Variants in NUP62CL observed in about 807,000 individuals in gnomAD.
NUP62CL encodes nucleoporin-62 C-terminal-like protein.
In NUP62CL, 13 loss-of-function variants were observed where a neutral mutation model predicts 15.3. That is an observed-to-expected ratio of 0.85 (90% CI 0.55 to 1.35). The LOEUF (loss-of-function observed/expected upper bound fraction) is 1.35. Ranked by LOEUF, NUP62CL falls within the 40% of genes most tolerant of loss-of-function variation. The pLI is 0.00. For missense variants in NUP62CL, 123 were observed against 130.6 expected (o/e 0.94, Z 0.28); for synonymous variants, 54 against 49.2 (o/e 1.10, Z -0.41).
intron 8 of NUP62CL, among the ~76,000 whole-genome samples, chrX:107,126,216 T>C (rs1925383025): frequency 8.9e-6 from 1 of 112,108 alleles, no homozygotes; most frequent in South Asian, 3.7e-4. Context: ...AAAAAAACAT[T>C]GCTAAGAAAA....
intron 4 of NUP62CL, among the ~76,000 whole-genome samples, chrX:107,161,042 C>T (rs1926353214): frequency 9.0e-6 from 1 of 111,726 alleles, no homozygotes; most frequent in Non-Finnish European, 1.9e-5. Context: ...TGCTCATCAT[C>T]ACTGGCCATC....
intron 6 of NUP62CL, 57 bp from the exon 7 acceptor site, chrX:107,153,363 A>G: frequency 8.9e-7 from 1 of 1,129,283 alleles, no homozygotes; most frequent in Non-Finnish European, 1.2e-6. Context: ...TGACAAAAAG[A>G]AAAGAGTTAA....
chrX:107,153,071 G>T, intron 7 of NUP62CL, 101 bp downstream of exon 7: 1 of 764,005 alleles, frequency 1.3e-6, no homozygotes, highest in Non-Finnish European at 1.8e-6. Flanking sequence ...CTACCGATTT[G>T]TATTCCTTGC....
intron 1 of NUP62CL, among the ~76,000 whole-genome samples, chrX:107,199,110 C>G (rs1317203822): frequency 3.6e-5 from 4 of 111,264 alleles, no homozygotes; most frequent in Admixed American, 1.9e-4. Context: ...GTTCTAGACT[C>G]TCTTATGTAA....
intron 3 of NUP62CL, among the ~76,000 whole-genome samples, chrX:107,170,698 C>T (rs766874141): frequency 2.7e-5 from 3 of 111,888 alleles, no homozygotes; most frequent in South Asian, 3.7e-4. Context: ...AGGCATGAGC[C>T]GCCACACCCG....
chrX:107,194,693 T>G (rs906084373), intron 1 of NUP62CL, among the ~76,000 whole-genome samples: 3 of 111,228 alleles, frequency 2.7e-5, no homozygotes, highest in African/African-American at 9.8e-5. Flanking sequence ...AAGAGCTCTT[T>G]TCATTGTAGA....
chrX:107,158,513 C>T (rs1472458122), intron 4 of NUP62CL, among the ~76,000 whole-genome samples: 2 of 81,684 alleles, frequency 2.4e-5, no homozygotes, highest in African/African-American at 1.6e-4. Context: ...ACTGAACAAC[C>T]TACTCCTGAA....
intron 2 of NUP62CL, among the ~76,000 whole-genome samples, chrX:107,189,894 A>G (rs965280462): frequency 3.2e-5 from 3 of 92,662 alleles, no homozygotes; most frequent in African/African-American, 1.3e-4. Flanking sequence ...AGAAAGAAAG[A>G]AAGAAAGAAA....
At chrX:107,130,054 G>T (rs1457319111) in intron 8 of NUP62CL, among the ~76,000 whole-genome samples, 1 of 111,343 alleles carries the variant, frequency 9.0e-6, no homozygotes, top group Non-Finnish European at 1.9e-5. Flanking sequence ...GAGAAAATAG[G>T]AGAGAAATTA....
rs186232324 is a variant in NUP62CL at position 107,204,339 on chromosome X, A to G, written c.-92+1934T>C. On this transcript the variant is annotated intron_variant, in intron 1 of 8. Transcript: ENST00000372466. The stretch of plus-strand genomic sequence containing the variant: ...AACCTCTCTAATCCTTATGTTCCTC[A>G]ACCTCTAAGCTTCTGTATTTCCGAC... Among the ~76,000 whole-genome samples, 14 of 111,491 alleles carry G rather than the reference A, an allele frequency of 1.3e-4. No individual in the cohort carries two copies. In the East Asian group the frequency reaches 3.9e-3, roughly 31 times the overall value.
chrX:107,169,410 G>A (rs1926594282), intron 3 of NUP62CL, among the ~76,000 whole-genome samples: 1 of 112,616 alleles, frequency 8.9e-6, no homozygotes, highest in African/African-American at 3.2e-5. Context: ...ATAATCTTAA[G>A]TTCCAATTTC....
intron 4 of NUP62CL, among the ~76,000 whole-genome samples, chrX:107,165,314 A>T (rs1363396130): frequency 9.1e-6 from 1 of 109,400 alleles, no homozygotes; most frequent in African/African-American, 3.3e-5. Flanking sequence ...CAAAAAAAAA[A>T]ATAATAATAA....
chrX:107,127,412 A>G (rs5962788), intron 8 of NUP62CL, among the ~76,000 whole-genome samples: 30,703 of 110,914 alleles, frequency 0.28, 3,810 homozygotes, highest in East Asian at 0.47. Flanking sequence ...CTAAATGGCT[A>G]TTGGTTAAGG....
At chrX:107,163,326 A>G (rs927647147) in intron 4 of NUP62CL, among the ~76,000 whole-genome samples, 15 of 111,550 alleles carry the variant, frequency 1.3e-4, no homozygotes, top group African/African-American at 4.9e-4. Flanking sequence ...TGTATCTGTA[A>G]TACCTAGAGC....
intron 8 of NUP62CL, among the ~76,000 whole-genome samples, chrX:107,125,507 G>A (rs745354093): frequency 4.5e-5 from 5 of 111,280 alleles, no homozygotes; most frequent in Non-Finnish European, 9.4e-5. Context: ...TTTTTAAAGT[G>A]TAATACCTCA....
At chrX:107,179,211 T>C (rs1298895568) in intron 2 of NUP62CL, among the ~76,000 whole-genome samples, 1 of 112,152 alleles carries the variant, frequency 8.9e-6, no homozygotes, top group Admixed American at 9.4e-5. Context: ...GCTACTTCAA[T>C]TTTTTCATTT....
intron 1 of NUP62CL, among the ~76,000 whole-genome samples, chrX:107,194,902 C>T (rs143599442): frequency 0.022 from 2,264 of 103,605 alleles, 45 homozygotes; most frequent in East Asian, 0.13. Context: ...CTGTAACCTC[C>T]GCGTCCCGGA....
At chrX:107,167,902 A>C in intron 3 of NUP62CL, 118 bp from the exon 4 acceptor site, 1 of 659,783 alleles carries the variant, frequency 1.5e-6, no homozygotes, top group South Asian at 3.9e-5. Flanking sequence ...GAACTCAAAG[A>C]TGCAGATTTG....
At chrX:107,198,547 T>C (rs1321759838) in intron 1 of NUP62CL, among the ~76,000 whole-genome samples, 1 of 111,268 alleles carries the variant, frequency 9.0e-6, no homozygotes, top group African/African-American at 3.3e-5. Context: ...CTGAAGCCAG[T>C]GAGACCACGA....
Sources: allele counts gnomAD v4.1 joint callset (sites outside exome capture counted in the v4.1 genomes callset), GRCh38; gene constraint gnomAD v4.1.1; transcripts MANE v1.5; gene names NCBI Gene and HGNC (gene_info 2026-07-23, HGNC 2026-07-21).